Variants in MOGAT2 observed in about 807,000 individuals in gnomAD.
MOGAT2 encodes the protein 2-acylglycerol O-acyltransferase 2.
In MOGAT2, 27 loss-of-function variants were observed where a neutral mutation model predicts 31.5. The observed-to-expected ratio is 0.86, with a 90% CI of 0.63 to 1.18. The LOEUF is 1.18. Ranked by LOEUF, MOGAT2 falls within the 50% of genes most tolerant of loss-of-function variation. The pLI is 0.00. For missense variants in MOGAT2, 436 were observed against 433.2 expected (o/e 1.01, Z -0.06); for synonymous variants, 163 against 170.0 (o/e 0.96, Z 0.32).
chr11:75,731,076 C>A, intron 5 of MOGAT2, 56 bp from the exon 6 acceptor site: 1 of 1,544,604 alleles, frequency 6.5e-7, no homozygotes, highest in Non-Finnish European at 8.8e-7. Context: ...GGGTGGGCAC[C>A]TGCACCGAGG....
chr11:75,728,426 C>T, intron 4 of MOGAT2: 3 of 577,264 alleles, frequency 5.2e-6, no homozygotes, highest in East Asian at 3.1e-5. Flanking sequence ...ATTTGGGGTA[C>T]ATTTCAGAGC....
intron 2 of MOGAT2, among the ~76,000 whole-genome samples, chr11:75,725,079 A>C (rs1944409640): frequency 6.6e-6 from 1 of 152,212 alleles, no homozygotes; most frequent in South Asian, 2.1e-4. Flanking sequence ...AAGTGTGAGA[A>C]ATTCTGTAGG....
rs1944478320 is a variant in MOGAT2 at position 75,731,392 on chromosome 11, C to G, written c.*106C>G. Reference sequence around the variant, plus strand: ...ATATCTGCAGAGCCTTCCCAGACTCCTGCAAATCCAACCCATATCAGGCTG... The same window carrying G: ...ATATCTGCAGAGCCTTCCCAGACTCGTGCAAATCCAACCCATATCAGGCTG... On this transcript the variant is annotated 3_prime_UTR_variant, in exon 6 of 6. Transcript: ENST00000198801. 3 of 1,306,730 alleles carry G rather than the reference C, an allele frequency of 2.3e-6. No individual in the cohort carries two copies. The East Asian group carries it at 7.3e-5, about 32-fold the overall frequency. 80.9% of individuals were successfully genotyped at this position (1,306,730 alleles called of 1,614,324 possible).
Position 75,731,607 on chromosome 11 carries a change from C to T in MOGAT2, c.*321C>T, listed in dbSNP as rs796121309. On this transcript the variant is annotated 3_prime_UTR_variant, in exon 6 of 6. Transcript: ENST00000198801. ...GATGAGAGCCAAAGCTGCACGGACT[C>T]GAGTCCTAGGCTGCACACCTCACAA... is the stretch of plus-strand genomic sequence containing the variant. 2.5e-5 allele frequency: 6 copies of T among 244,318 alleles called. No individual in the cohort carries two copies. Among genetic ancestry groups the T allele is most frequent in the Admixed American group, 5.3e-5 (1 of 18,984 alleles). 15.1% of individuals were successfully genotyped at this position (244,318 alleles called of 1,614,324 possible).
intron 2 of MOGAT2, among the ~76,000 whole-genome samples, chr11:75,726,398 G>A (rs867727945): frequency 1.3e-5 from 2 of 152,160 alleles, no homozygotes; most frequent in Admixed American, 6.5e-5. Flanking sequence ...GACATCCATT[G>A]GGGACTGGTT....
At chr11:75,721,427 T>C (rs1944375682) in intron 2 of MOGAT2, among the ~76,000 whole-genome samples, 1 of 152,002 alleles carries the variant, frequency 6.6e-6, no homozygotes, top group Non-Finnish European at 1.5e-5. Context: ...GGGCTACAGG[T>C]GCCGGCCACC....
At chr11:75,721,558 C>T (rs747063570) in intron 2 of MOGAT2, among the ~76,000 whole-genome samples, 9 of 152,162 alleles carry the variant, frequency 5.9e-5, no homozygotes, top group Non-Finnish European at 1.2e-4. Flanking sequence ...GCTGGGATTA[C>T]AGGTGTGAGC....
chr11:75,719,725 C>T, intron 1 of MOGAT2: 1 of 476,426 alleles, frequency 2.1e-6, no homozygotes, highest in Non-Finnish European at 3.8e-6. Context: ...AATTAGGCGG[C>T]CTGGTGCAGT....
intron 5 of MOGAT2, 34 bp from the exon 6 acceptor site, chr11:75,731,098 A>G (rs759482404): frequency 9.4e-6 from 15 of 1,600,620 alleles, no homozygotes; most frequent in Non-Finnish European, 1.3e-5. Context: ...TCCCTTGCCT[A>G]CCCTAGGCCA....
chr11:75,720,098 G>C lies in MOGAT2; in HGVS notation c.198G>C (p.Gln66His), dbSNP rs771218014. 4.3e-6 allele frequency: 7 copies of C among 1,614,154 alleles called. No individual in the cohort carries two copies. In the Admixed American group the frequency reaches 1.0e-4, roughly 23 times the overall value. Residue 66 changes from glutamine to histidine, a missense_variant, in exon 2 of 6, where the codon CAG becomes CAC. By Grantham distance (24) the Gln-to-His change is conservative. Coordinates refer to ENST00000198801, the MANE Select transcript of MOGAT2 (RefSeq NM_025098.4). ...ATCTGGACCGAGACAAGCCACGGCA[G>C]GGGGGCCGGCACATCCAGGCCATCA... ...WWYLDRDKPR[Q>H]GGRHIQAIRC...
intron 1 of MOGAT2, chr11:75,719,667 T>G: frequency 3.0e-6 from 1 of 331,440 alleles, no homozygotes; most frequent in Non-Finnish European, 5.6e-6. Flanking sequence ...ACTTAATGAG[T>G]ACAAACAACT....
In MOGAT2 at chr11:75,727,644, G is replaced by T. The variant is rs1232860896; in HGVS notation, c.475+5G>T. ...GAGATTACATCATGTCTGCAGGTGA[G>T]TCTTTCTACCCCTGAGCAGCTCAGG... On this transcript the variant is annotated splice_donor_5th_base_variant and intron_variant, in intron 3 of 5. Coordinates refer to ENST00000198801, the MANE Select transcript of MOGAT2 (RefSeq NM_025098.4). 6.2e-7 allele frequency: 1 copy of T among 1,612,412 alleles called. No homozygotes were observed. Among genetic ancestry groups the T allele is most frequent in the African/African-American group, 1.3e-5 (1 of 74,866 alleles).
chr11:75,727,391 G>T, intron 2 of MOGAT2, 44 bp from the exon 3 acceptor site: 1 of 1,584,588 alleles, frequency 6.3e-7, no homozygotes, highest in Non-Finnish European at 8.6e-7. Context: ...GTCAGGGCTG[G>T]TACACAGGCC....
rs1944432160 is a variant in MOGAT2 at position 75,727,557 on chromosome 11, C to A, written c.393C>A (p.Ile131=). 6.2e-7 allele frequency: 1 copy of A among 1,614,230 alleles called. No individual in the cohort carries two copies. The highest frequency in any genetic ancestry group is 1.7e-5 in the Admixed American group (1 of 60,034). The stretch of plus-strand genomic sequence containing the variant: ...CTGAGAGCACAGGCTTCTCTTCGAT[C>A]TTCCCCGGTATCCGCCCCCATCTGA... The part of the protein sequence containing the change: ...LCTESTGFSS[I]FPGIRPHLMM... Residue 131 remains isoleucine (I), a synonymous_variant, in exon 3 of 6, where the codon ATC becomes ATA. Coordinates refer to ENST00000198801, the MANE Select transcript of MOGAT2 (RefSeq NM_025098.4).
chr11:75,718,080 A>T (rs1944345393), intron 1 of MOGAT2, 101 bp downstream of exon 1: 1 of 1,191,892 alleles, frequency 8.4e-7, no homozygotes, highest in Admixed American at 1.9e-5. Context: ...CAAGACATTT[A>T]TCCTAAAGGG....
At chr11:75,724,554 C>T (rs1006194612) in intron 2 of MOGAT2, among the ~76,000 whole-genome samples, 32 of 151,936 alleles carry the variant, frequency 2.1e-4, no homozygotes, top group African/African-American at 7.0e-4. Flanking sequence ...CCCAGCTACT[C>T]GGGAGGCTAA....
chr11:75,723,821 G>A (rs2135733506), intron 2 of MOGAT2, among the ~76,000 whole-genome samples: 1 of 152,210 alleles, frequency 6.6e-6, no homozygotes, highest in East Asian at 1.9e-4. Flanking sequence ...CCTTCTCCAG[G>A]CCCCACTGCC....
intron 2 of MOGAT2, among the ~76,000 whole-genome samples, chr11:75,720,380 G>A (rs972868146): frequency 6.6e-6 from 1 of 152,194 alleles, no homozygotes; most frequent in African/African-American, 2.4e-5. Flanking sequence ...CAGGGATGCG[G>A]GGCCAATATG....
rs914058564 is a variant in MOGAT2, at chr11:75,732,103, C to G, written c.*817C>G. The G allele has an allele frequency of 6.6e-6, 1 of 152,244 alleles. No individual in the cohort carries two copies. Among genetic ancestry groups the G allele is most frequent in the African/African-American group, 2.4e-5 (1 of 41,430 alleles). The allele number at this position is 152,244 out of a possible 1,614,324, so 9.4% of individuals were successfully genotyped here. ...CCAGAGGATCAGGATCCAGCAGGAA[C>G]CAGAGGATAATTTGAGGAGGGTTTA... On this transcript the variant is annotated 3_prime_UTR_variant, in exon 6 of 6. Coordinates refer to ENST00000198801, the MANE Select transcript of MOGAT2 (RefSeq NM_025098.4).
Sources: gnomAD v4.1 joint callset for allele counts (sites outside exome capture counted in the v4.1 genomes callset) on GRCh38, gnomAD v4.1.1 for gene constraint, MANE v1.5 for transcripts, NCBI Gene and HGNC (gene_info 2026-07-23, HGNC 2026-07-21) for gene names.